The following CCDC85C variants were observed in gnomAD, a reference collection of about 807,000 sequenced individuals.
CCDC85C encodes the protein coiled-coil domain-containing protein 85C.
A neutral mutation model predicts 38.3 loss-of-function variants in CCDC85C; 18 were observed. The observed-to-expected ratio is 0.47, with a 90% CI of 0.33 to 0.70. The LOEUF (loss-of-function observed/expected upper bound fraction) is 0.70. CCDC85C is among the 30% of genes least tolerant of loss of function. The probability of loss-of-function intolerance (pLI) is 0.03; values close to 1 mark genes in which losing one functional copy is unlikely to be tolerated. For missense variants in CCDC85C, 566 were observed against 621.2 expected, an observed-to-expected ratio of 0.91 and a Z score of 0.94; for synonymous variants, 264 against 293.8, an observed-to-expected ratio of 0.90 and a Z score of 1.04.
intron 1 of CCDC85C, among the ~76,000 whole-genome samples, chr14:99,598,138 G>C (rs962043879): frequency 6.6e-6 from 1 of 152,160 alleles, no homozygotes; most frequent in African/African-American, 2.4e-5. Flanking sequence ...CACATCAGGG[G>C]CTGCCACCCG....
rs1445805719 is a variant in CCDC85C, at chr14:99,509,553, A to G, written c.*5693T>C. The G allele has an allele frequency of 6.4e-6, 1 of 155,970 alleles. No individual in the cohort carries two copies. Among genetic ancestry groups the G allele is most frequent in the East Asian group, 1.9e-4 (1 of 5,184 alleles). The allele number at this position is 155,970 out of a possible 1,614,324, so 9.7% of individuals were successfully genotyped here. A position where few individuals can be genotyped will look rare whatever the true frequency, so the allele number is the denominator to read the frequency against. On this transcript the variant is annotated 3_prime_UTR_variant, in exon 6 of 6. Transcript: ENST00000380243. ...CATGCAGCACGCACGCAGCACGCAC[A>G]CGCACACACATGCACACACTCCTCT...
At chr14:99,567,960 G>A (rs747989987) in intron 1 of CCDC85C, among the ~76,000 whole-genome samples, 27 of 152,296 alleles carry the variant, frequency 1.8e-4, no homozygotes, top group East Asian at 3.9e-4. Flanking sequence ...CGACAGCTGC[G>A]GATGACTCCA....
chr14:99,574,725 G>A (rs1294945802), intron 1 of CCDC85C, among the ~76,000 whole-genome samples: 2 of 152,208 alleles, frequency 1.3e-5, no homozygotes, highest in Admixed American at 6.5e-5. Flanking sequence ...CCTTGTGTCC[G>A]CCCGAGGGGC....
chr14:99,510,386 C>T lies in CCDC85C; in HGVS notation c.*4860G>A, dbSNP rs1014325949. 3 of 1,575,320 alleles carry T rather than the reference C, an allele frequency of 1.9e-6. No homozygotes were observed. Among genetic ancestry groups the T allele is most frequent in the Non-Finnish European group, 2.6e-6 (3 of 1,161,884 alleles). On this transcript the variant is annotated 3_prime_UTR_variant, in exon 6 of 6. Coordinates refer to ENST00000380243, the MANE Select transcript of CCDC85C (RefSeq NM_001144995.2). ...GAGAGGGCTACCAGAGCCTGCAGTC[C>T]ATGATGAAGACCGAGGGACCCTCCT...
chr14:99,538,944 C>T (rs762813536), intron 1 of CCDC85C, among the ~76,000 whole-genome samples: 4 of 152,174 alleles, frequency 2.6e-5, no homozygotes, highest in Non-Finnish European at 5.9e-5. Flanking sequence ...CCACATCGGG[C>T]CACCTGTAGG....
chr14:99,594,123 C>A (rs1430039349), intron 1 of CCDC85C, among the ~76,000 whole-genome samples: 1 of 152,076 alleles, frequency 6.6e-6, no homozygotes. Context: ...CACTATCTGG[C>A]ACCTGGTCAG....
intron 1 of CCDC85C, among the ~76,000 whole-genome samples, chr14:99,592,776 T>C (rs1334015652): frequency 2.0e-5 from 3 of 152,060 alleles, no homozygotes; most frequent in Admixed American, 6.5e-5. Context: ...CCAGGAAACG[T>C]GAGCCTGTTT....
Position 99,556,229 on chromosome 14 carries a change from C to T in CCDC85C, c.794-20141G>A, listed in dbSNP as rs569441190. Among the ~76,000 whole-genome samples the T allele has an allele frequency of 2.0e-5, 3 of 152,304 alleles. No individual in the cohort carries two copies. In the East Asian group the frequency reaches 5.8e-4, roughly 29 times the overall value. ...CCCAGGAGTTCAAGACCAGTCTGGG[C>T]AACATAGCGGCATCCCGCCTCCACA... On this transcript the variant is annotated intron_variant, in intron 1 of 5. Coordinates refer to ENST00000380243, the MANE Select transcript of CCDC85C (RefSeq NM_001144995.2).
intron 1 of CCDC85C, among the ~76,000 whole-genome samples, chr14:99,538,046 T>C (rs1897639524): frequency 6.6e-6 from 1 of 152,204 alleles, no homozygotes; most frequent in Admixed American, 6.5e-5. Flanking sequence ...CCAATGACTA[T>C]GGACCCACGT....
chr14:99,594,039 G>A (rs1349550660), intron 1 of CCDC85C, among the ~76,000 whole-genome samples: 5 of 129,596 alleles, frequency 3.9e-5, no homozygotes, highest in East Asian at 2.8e-4. Flanking sequence ...GGCGGGGGGC[G>A]GGGAGTAACT....
chr14:99,589,630 G>A (rs2055064408), intron 1 of CCDC85C, among the ~76,000 whole-genome samples: 1 of 152,206 alleles, frequency 6.6e-6, no homozygotes, highest in African/African-American at 2.4e-5. Flanking sequence ...TCATTTTGGG[G>A]GTTCAGGGGT....
In CCDC85C at chr14:99,511,701, C is replaced by T. The variant is rs1401807126; in HGVS notation, c.*3545G>A. The T allele has an allele frequency of 6.6e-6, 1 of 152,602 alleles. No individual in the cohort carries two copies. The highest frequency in any genetic ancestry group is 2.4e-5 in the African/African-American group (1 of 41,482). 9.5% of individuals were successfully genotyped at this position (152,602 alleles called of 1,614,324 possible). On this transcript the variant is annotated 3_prime_UTR_variant, in exon 6 of 6. Transcript: ENST00000380243. ...TGGGTGGATCCGCACAGCTGCCTGC[C>T]AAGCCAGCCTGCCCCCATCCTGTGC...
rs1201434253 is a variant in CCDC85C, at chr14:99,533,600, C to A, written c.867+2415G>T. Among the ~76,000 whole-genome samples the A allele has an allele frequency of 2.0e-5, 3 of 152,266 alleles. No individual in the cohort carries two copies. Among genetic ancestry groups the A allele is most frequent in the Non-Finnish European group, 4.4e-5 (3 of 68,042 alleles). On this transcript the variant is annotated intron_variant, in intron 2 of 5. Coordinates refer to ENST00000380243, the MANE Select transcript of CCDC85C (RefSeq NM_001144995.2). The surrounding 1 kb of genome is among the most constrained non-coding windows in gnomAD (Gnocchi z 4.2). The stretch of plus-strand genomic sequence containing the variant: ...GTCCAGGCAAGGGTCAGCAGCTCCC[C>A]AGCCATCAGGATCTGATGTCGGTGC...
At chr14:99,593,294 G>C (rs1401618371) in intron 1 of CCDC85C, among the ~76,000 whole-genome samples, 1 of 152,246 alleles carries the variant, frequency 6.6e-6, no homozygotes, top group Non-Finnish European at 1.5e-5. Flanking sequence ...AAGACAAAGA[G>C]ATGCTTCCCC....
Position 99,554,583 on chromosome 14 carries a change from C to T in CCDC85C, c.794-18495G>A, listed in dbSNP as rs1897975706. ...CAGCAGGAACCGTTAGCCTTGCTGT[C>T]AAATGAGGACCCCGGTCAATGGGAA... On this transcript the variant is annotated intron_variant, in intron 1 of 5. Transcript: ENST00000380243. Among the ~76,000 whole-genome samples the T allele has an allele frequency of 2.0e-5, 3 of 152,324 alleles. No homozygotes were observed. In the South Asian group the frequency reaches 6.2e-4, roughly 32 times the overall value.
chr14:99,557,379 A>C (rs1898032681), intron 1 of CCDC85C, among the ~76,000 whole-genome samples: 1 of 152,220 alleles, frequency 6.6e-6, no homozygotes, highest in Non-Finnish European at 1.5e-5. Flanking sequence ...CAAGGCCAGC[A>C]TCTGAGGGAT....
At chr14:99,527,413 C>T (rs1308774029) in intron 2 of CCDC85C, among the ~76,000 whole-genome samples, 2 of 152,120 alleles carry the variant, frequency 1.3e-5, no homozygotes, top group Non-Finnish European at 2.9e-5. Flanking sequence ...GAGGGTAATG[C>T]GGGGCAGGTA....
At chr14:99,591,468 G>A (rs920570733) in intron 1 of CCDC85C, among the ~76,000 whole-genome samples, 3 of 152,242 alleles carry the variant, frequency 2.0e-5, no homozygotes, top group East Asian at 1.9e-4. Flanking sequence ...TGCTGAGTGC[G>A]CGAGGGCTGC....
intron 1 of CCDC85C, among the ~76,000 whole-genome samples, chr14:99,556,443 T>C (rs1268558132): frequency 2.0e-5 from 3 of 152,204 alleles, no homozygotes; most frequent in Non-Finnish European, 4.4e-5. Context: ...TAGAGCATCA[T>C]ATTGGGACAA....
Sources: gnomAD v4.1 joint callset for allele counts (sites outside exome capture counted in the v4.1 genomes callset) on GRCh38, gnomAD v4.1.1 for gene constraint, Gnocchi (gnomAD v3.1) non-coding constraint, MANE v1.5 for transcripts, NCBI Gene and HGNC (gene_info 2026-07-23, HGNC 2026-07-21) for gene names.